Variants in HSD17B3 observed in about 807,000 individuals in gnomAD.
The protein encoded by HSD17B3 is 17-beta-hydroxysteroid dehydrogenase type 3.
A neutral mutation model predicts 41.1 loss-of-function variants in HSD17B3; 29 were observed. That is an observed-to-expected ratio of 0.71 (90% CI 0.53 to 0.96). HSD17B3 has a LOEUF of 0.96. Among genes scored for constraint, HSD17B3 ranks in the 40% least tolerant of loss-of-function variants. The pLI is 0.00. For synonymous variants in HSD17B3, 126 were observed against 145.6 expected, an observed-to-expected ratio of 0.87 and a Z score of 0.97; for missense variants, 323 against 374.6, an observed-to-expected ratio of 0.86 and a Z score of 1.14.
rs1836807807 is a variant in HSD17B3 at position 96,249,505 on chromosome 9, T to C, written c.489+246A>G. 2 of 573,774 alleles carry C rather than the reference T, an allele frequency of 3.5e-6. 1 individual carries two copies. Among genetic ancestry groups the C allele is most frequent in the Admixed American group, 5.8e-5 (2 of 34,402 alleles). 35.5% of individuals were successfully genotyped at this position (573,774 alleles called of 1,614,324 possible). On this transcript the variant is annotated intron_variant, in intron 6 of 10. Coordinates refer to ENST00000375263, the MANE Select transcript of HSD17B3 (RefSeq NM_000197.2). ...TTCAGCATCATCGAGCTTAGTATGT[T>C]CCAACGTGTGACAAAACTGAAAGCA... is the stretch of plus-strand genomic sequence containing the variant.
At chr9:96,270,163 T>C (rs1207476988) in intron 2 of HSD17B3, among the ~76,000 whole-genome samples, 1 of 151,972 alleles carries the variant, frequency 6.6e-6, no homozygotes, top group African/African-American at 2.4e-5. Flanking sequence ...TAGTGATAAA[T>C]GACACAGGAC....
intron 5 of HSD17B3, among the ~76,000 whole-genome samples, chr9:96,250,684 C>T (rs577198839): frequency 8.6e-5 from 13 of 151,978 alleles, no homozygotes; most frequent in Non-Finnish European, 1.5e-4. Flanking sequence ...GTCAGGCGTT[C>T]GAGACCAGCC....
chr9:96,263,680 G>C (rs945965024), intron 2 of HSD17B3, among the ~76,000 whole-genome samples: 1 of 152,074 alleles, frequency 6.6e-6, no homozygotes, highest in African/African-American at 2.4e-5. Flanking sequence ...AGTGAGCAGA[G>C]ATTGTGCCAC....
chr9:96,249,950 A>G (rs1034011659), intron 5 of HSD17B3, 164 bp from the exon 6 acceptor site: 36 of 1,519,150 alleles, frequency 2.4e-5, no homozygotes, highest in Admixed American at 4.0e-5. Flanking sequence ...GCAAGCATGT[A>G]CTAGCATCAA....
chr9:96,244,225 G>T, intron 9 of HSD17B3, 104 bp downstream of exon 9: 1 of 1,094,662 alleles, frequency 9.1e-7, no homozygotes, highest in Non-Finnish European at 1.4e-6. Flanking sequence ...CCCACAGGAG[G>T]CAGTGGCCCC....
chr9:96,275,598 A>T (rs568827598), intron 2 of HSD17B3, among the ~76,000 whole-genome samples: 2 of 152,080 alleles, frequency 1.3e-5, no homozygotes, highest in South Asian at 4.2e-4. Context: ...AGAAAAAAAA[A>T]AGCAAACTCT....
At chr9:96,296,812 C>T (rs914567908) in intron 2 of HSD17B3, among the ~76,000 whole-genome samples, 6 of 152,096 alleles carry the variant, frequency 3.9e-5, no homozygotes, top group Non-Finnish European at 7.4e-5. Flanking sequence ...GAGGCCAAAG[C>T]AGGCAGATAA....
intron 2 of HSD17B3, among the ~76,000 whole-genome samples, chr9:96,276,793 A>G (rs1010124408): frequency 1.3e-5 from 2 of 152,246 alleles, no homozygotes; most frequent in Non-Finnish European, 2.9e-5. Context: ...CTCTAAAGCC[A>G]TAAGATTATT....
chr9:96,272,446 T>TATATATATATA (rs34436322), intron 2 of HSD17B3, among the ~76,000 whole-genome samples: 1 of 85,828 alleles, frequency 1.2e-5, no homozygotes, highest in Non-Finnish European at 2.3e-5. Context: ...TATATATATA[T>TATATATATATA]AAAATATATA....
At chr9:96,301,811 G>A in intron 1 of HSD17B3, 140 bp downstream of exon 1, 2 of 857,590 alleles carry the variant, frequency 2.3e-6, no homozygotes, top group South Asian at 1.4e-5. Flanking sequence ...AACCCGGGAA[G>A]CGGAGGTTGC....
intron 6 of HSD17B3, among the ~76,000 whole-genome samples, chr9:96,247,723 T>C (rs1271973956): frequency 2.0e-5 from 3 of 152,156 alleles, no homozygotes; most frequent in Admixed American, 2.0e-4. Context: ...CCGAATGAAC[T>C]CACTAGCCCT....
rs1247693056 is a variant in HSD17B3 at position 96,302,090 on chromosome 9, C to T, written c.15G>A (p.Leu5=). Residue 5 remains leucine, a synonymous_variant, in exon 1 of 11, where the codon CTG becomes CTA. Coordinates refer to ENST00000375263, the MANE Select transcript of HSD17B3 (RefSeq NM_000197.2). The part of the protein sequence containing the change: MGDV[L]EQFFILTGLL... ...GCCCTGTGAGGATGAAGAACTGTTC[C>T]AGGACGTCCCCCATGGCTGCACTCA... is the stretch of plus-strand genomic sequence containing the variant. 3.1e-6 allele frequency: 5 copies of T among 1,613,956 alleles called. No individual in the cohort carries two copies. Among genetic ancestry groups the T allele is most frequent in the East Asian group, 2.2e-5 (1 of 44,878 alleles).
chr9:96,260,450 T>TTA (rs2130742955), intron 2 of HSD17B3, among the ~76,000 whole-genome samples: 1 of 152,326 alleles, frequency 6.6e-6, no homozygotes, highest in Non-Finnish European at 1.5e-5. Context: ...CAAATTGTCC[T>TTA]TAATTATTCT....
chr9:96,294,935 G>A (rs775891835), intron 2 of HSD17B3, among the ~76,000 whole-genome samples: 3 of 150,470 alleles, frequency 2.0e-5, no homozygotes, highest in Non-Finnish European at 4.4e-5. Flanking sequence ...AAACAGAGAT[G>A]AGATAGAAGG....
chr9:96,270,295 G>A (rs1279657283), intron 2 of HSD17B3, among the ~76,000 whole-genome samples: 1 of 151,836 alleles, frequency 6.6e-6, no homozygotes, highest in African/African-American at 2.4e-5. Flanking sequence ...GAGAGACAGA[G>A]ACAGAGAGAG....
At position 96,293,926 on chromosome 9, in the gene HSD17B3, G is replaced by C. The variant is rs572332500; in HGVS notation, c.201+4490C>G. ...GTGGAAATTCAGCCAGTGAGCCTTG[G>C]AGGGAGGCTTTGACACACATCTGAT... is the stretch of plus-strand genomic sequence containing the variant. On this transcript the variant is annotated intron_variant, in intron 2 of 10. Transcript: ENST00000375263. 3.0e-4 allele frequency among the ~76,000 whole-genome samples: 46 copies of C among 152,246 alleles called. No individual in the cohort carries two copies. In the South Asian group the frequency reaches 7.9e-3, roughly 26 times the overall value.
intron 2 of HSD17B3, among the ~76,000 whole-genome samples, chr9:96,288,859 C>A (rs1489804363): frequency 6.6e-6 from 1 of 151,678 alleles, no homozygotes. Context: ...ATGGCGTGAA[C>A]CCGGGAGGCG....
chr9:96,301,833 A>G lies in HSD17B3; in HGVS notation c.154+118T>C, dbSNP rs532310196. 63 of 1,108,762 alleles carry G rather than the reference A, an allele frequency of 5.7e-5. No homozygotes were observed. In the African/African-American group the frequency reaches 9.0e-4, roughly 16 times the overall value. The allele number at this position is 1,108,762 out of a possible 1,614,324, so 68.7% of individuals were successfully genotyped here. On this transcript the variant is annotated intron_variant, in intron 1 of 10. Transcript: ENST00000375263. ...GAAGCGGAGGTTGCAGTGAGCCAAG[A>G]TCGCGCCATTGCACTCCAGCCTGGG...
intron 1 of HSD17B3, among the ~76,000 whole-genome samples, chr9:96,299,544 C>A (rs1291895877): frequency 1.3e-5 from 2 of 152,208 alleles, no homozygotes; most frequent in Non-Finnish European, 2.9e-5. Flanking sequence ...CACACACTCA[C>A]TTCTTGCCAT....
Sources: allele counts gnomAD v4.1 joint callset (sites outside exome capture counted in the v4.1 genomes callset), GRCh38; gene constraint gnomAD v4.1.1; transcripts MANE v1.5; gene names NCBI Gene and HGNC (gene_info 2026-07-23, HGNC 2026-07-21).